GUCA1B: variants seen among roughly 807,000 people sequenced by gnomAD.
The protein encoded by GUCA1B is guanylyl cyclase-activating protein 2.
A neutral mutation model predicts 24.2 loss-of-function variants in GUCA1B; 22 were observed. That is an observed-to-expected ratio of 0.91 (90% CI 0.65 to 1.30). The LOEUF is 1.30. GUCA1B is among the 50% of genes most tolerant of loss of function. The pLI, the probability that GUCA1B is intolerant of heterozygous loss-of-function variation, is 0.00. For missense variants in GUCA1B, 221 were observed against 258.8 expected, an observed-to-expected ratio of 0.85 and a Z score of 1.00; for synonymous variants, 100 against 97.9, an observed-to-expected ratio of 1.02 and a Z score of -0.13.
rs758011257 is a variant in GUCA1B at position 42,188,596 on chromosome 6, G to A, written c.343C>T (p.Leu115Phe). The change falls in exon 2 of 4, where the codon CTC becomes TTC. Residue 115 changes from leucine (L) to phenylalanine (F), a missense_variant. By Grantham distance (22) the Leu-to-Phe change is conservative. Transcript: ENST00000230361. ...GAGACACTAACCTCCACAATGTTGA[G>A]TAGCTCCAGGCGGTCGATGCAGCCA... ...GNGCIDRLELLNIVEGIYQLK... is the reference protein window; with the variant it reads ...GNGCIDRLELFNIVEGIYQLK... The A allele has an allele frequency of 2.5e-6, 4 of 1,614,114 alleles. No individual in the cohort carries two copies. Among genetic ancestry groups the A allele is most frequent in the East Asian group, 2.2e-5 (1 of 44,876 alleles).
chr6:42,188,545 G>A, intron 2 of GUCA1B, 37 bp downstream of exon 2: 2 of 1,607,968 alleles, frequency 1.2e-6, no homozygotes, highest in Non-Finnish European at 1.7e-6. Flanking sequence ...CAGTGCTCTA[G>A]TGCCCAGGCT....
rs116449153 is a variant in GUCA1B, at chr6:42,194,490, C to T, written c.207+124G>A. The stretch of plus-strand genomic sequence containing the variant: ...GTGAGACAGAAAAGGTAAAGAGAGA[C>T]GGAGTGGAAAGAAGAGCAGAGAAAG... On this transcript the variant is annotated intron_variant, in intron 1 of 3. Coordinates refer to ENST00000230361, the MANE Select transcript of GUCA1B (RefSeq NM_002098.6). 1.3e-3 allele frequency: 931 copies of T among 733,220 alleles called. 8 individuals carry two copies. The African/African-American group carries it at 0.014, about 11-fold the overall frequency. 45.4% of individuals were successfully genotyped at this position (733,220 alleles called of 1,614,324 possible).
intron 1 of GUCA1B, among the ~76,000 whole-genome samples, chr6:42,193,000 T>C (rs1461120957): frequency 6.6e-6 from 1 of 152,162 alleles, no homozygotes; most frequent in African/African-American, 2.4e-5. Context: ...TATATACTTA[T>C]AGGATACATT....
chr6:42,188,608 G>A lies in GUCA1B; in HGVS notation c.331C>T (p.Arg111Cys), dbSNP rs552920546. 19 of 1,614,084 alleles carry A rather than the reference G, an allele frequency of 1.2e-5. No homozygotes were observed. The East Asian group carries it at 1.6e-4, about 13-fold the overall frequency. The change falls in exon 2 of 4, where the codon CGC becomes TGC. Residue 111 changes from arginine (R) to cysteine (C), a missense_variant. Physicochemically the swap from Arg to Cys is radical, Grantham distance 180. Transcript: ENST00000230361. ...TCCACAATGTTGAGTAGCTCCAGGCGGTCGATGCAGCCATTGCCATCCTTA... is the reference window on the plus strand; with the variant it reads ...TCCACAATGTTGAGTAGCTCCAGGCAGTCGATGCAGCCATTGCCATCCTTA... ...YDKDGNGCID[R>C]LELLNIVEGI...
chr6:42,189,074 C>T (rs116505286), intron 1 of GUCA1B, among the ~76,000 whole-genome samples: 1,674 of 152,218 alleles, frequency 0.011, 36 homozygotes, highest in African/African-American at 0.038. Context: ...TAAGCCACCA[C>T]ACCCAGCCTA....
In GUCA1B at chr6:42,184,759, T is replaced by G; in HGVS notation, c.*56A>C. ...CATGAGCAGGCTGAGCCAGGGACCC[T>G]CCTACTACCCTGGAAACCTGGGTGA... is the stretch of plus-strand genomic sequence containing the variant. On this transcript the variant is annotated 3_prime_UTR_variant, in exon 4 of 4. Transcript: ENST00000230361. 1 of 1,569,020 alleles carries G rather than the reference T, an allele frequency of 6.4e-7. No individual in the cohort carries two copies. Among genetic ancestry groups the G allele is most frequent in the South Asian group, 1.1e-5 (1 of 90,190 alleles).
chr6:42,193,941 T>C (rs1209769526), intron 1 of GUCA1B, among the ~76,000 whole-genome samples: 1 of 152,196 alleles, frequency 6.6e-6, no homozygotes, highest in Admixed American at 6.5e-5. Flanking sequence ...TGAATTGAAA[T>C]TTAAAATTCA....
intron 2 of GUCA1B, among the ~76,000 whole-genome samples, chr6:42,187,934 ACTC>A (rs1768224790): frequency 6.7e-6 from 1 of 150,344 alleles, no homozygotes; most frequent in Admixed American, 6.6e-5. Flanking sequence ...GCAGCCTTCA[ACTC>A]CTGGCTCAAA....
At chr6:42,188,913 ATC>A (rs969454433) in intron 1 of GUCA1B, among the ~76,000 whole-genome samples, 182 bp from the exon 2 acceptor site, 48 of 134,598 alleles carry the variant, frequency 3.6e-4, no homozygotes, top group South Asian at 4.4e-4. Context: ...TATCTATATC[ATC>A]TCTCTCTCTC....
chr6:42,188,316 G>A (rs903810259), intron 2 of GUCA1B, among the ~76,000 whole-genome samples: 2 of 151,762 alleles, frequency 1.3e-5, no homozygotes, highest in Non-Finnish European at 2.9e-5. Context: ...GTGTGTGTGT[G>A]TGTGTGTGTG....
chr6:42,193,636 C>A, intron 1 of GUCA1B, among the ~76,000 whole-genome samples: 1 of 152,192 alleles, frequency 6.6e-6, no homozygotes, highest in Non-Finnish European at 1.5e-5. Flanking sequence ...TGGGGTTCAT[C>A]TCTAAGGAGG....
chr6:42,190,361 A>ATTTTTTTTTTTT (rs143865611), intron 1 of GUCA1B, among the ~76,000 whole-genome samples: 2 of 123,034 alleles, frequency 1.6e-5, no homozygotes, highest in African/African-American at 6.5e-5. Flanking sequence ...GTCAACTTCC[A>ATTTTTTTTTTTT]TTTTTTTTTT....
intron 1 of GUCA1B, among the ~76,000 whole-genome samples, chr6:42,192,268 C>T (rs1202949041): frequency 3.0e-4 from 39 of 131,690 alleles, no homozygotes; most frequent in Non-Finnish European, 5.7e-4. Context: ...GCAGGAGAAT[C>T]GCTTGAACCT....
At chr6:42,190,361 ATTTTTT>A (rs143865611) in intron 1 of GUCA1B, among the ~76,000 whole-genome samples, 4 of 123,034 alleles carry the variant, frequency 3.3e-5, no homozygotes, top group African/African-American at 1.3e-4. Context: ...GTCAACTTCC[ATTTTTT>A]TTTTTTTTTT....
rs767624382 is a variant in GUCA1B, at chr6:42,194,836, C to T, written c.-16G>A. ...CCTGCCCCATGCTAGCCCTGAGGAGCATCAGGGAGCAAGGGTCTGTATCTC... is the reference window on the plus strand; with the variant it reads ...CCTGCCCCATGCTAGCCCTGAGGAGTATCAGGGAGCAAGGGTCTGTATCTC... On this transcript the variant is annotated 5_prime_UTR_variant, in exon 1 of 4. The change abolishes an upstream ATG in the 5' untranslated region. Transcript: ENST00000230361. The T allele has an allele frequency of 2.6e-6, 4 of 1,541,720 alleles. No individual in the cohort carries two copies. Among genetic ancestry groups the T allele is most frequent in the South Asian group, 2.4e-5 (2 of 84,252 alleles).
intron 1 of GUCA1B, among the ~76,000 whole-genome samples, chr6:42,192,659 C>G (rs1275192770): frequency 6.6e-6 from 1 of 152,078 alleles, no homozygotes; most frequent in Non-Finnish European, 1.5e-5. Flanking sequence ...TTGCAGTGAG[C>G]TGAGATTGTG....
In GUCA1B at chr6:42,185,699, C is replaced by G; in HGVS notation, c.456G>C (p.Leu152=). Residue 152 remains leucine, a synonymous_variant, in exon 3 of 4, where the codon CTG becomes CTC. Transcript: ENST00000230361. Reference sequence around the variant, plus strand: ...TCTTACCATCTCCATTCTCATCCACCAGGAGGAAGATCCTGTCCACGACCT... The same window carrying G: ...TCTTACCATCTCCATTCTCATCCACGAGGAGGAAGATCCTGTCCACGACCT... ...PEEVVDRIFL[L]VDENGDGQLS... is the part of the protein sequence containing the mutation. The G allele has an allele frequency of 1.3e-6, 2 of 1,599,062 alleles. No homozygotes were observed. The highest frequency in any genetic ancestry group is 2.7e-5 in the African/African-American group (2 of 74,720).
intron 2 of GUCA1B, among the ~76,000 whole-genome samples, chr6:42,188,373 C>T (rs1013299895): frequency 1.3e-5 from 2 of 151,536 alleles, no homozygotes; most frequent in Admixed American, 6.6e-5. Flanking sequence ...AATTTCCAAA[C>T]AGATGGGGAT....
Position 42,188,698 on chromosome 6 carries a change from C to T in GUCA1B, c.241G>A (p.Ala81Thr), listed in dbSNP as rs979878003. ...NTIDFLEYVA[A>T]LNLVLRGTLE... is the part of the protein sequence containing the mutation. ...GTGCCCCTCAGCACGAGATTCAGAG[C>T]TGCCACGTACTCCAGGAAGTCGATG... Residue 81 changes from alanine to threonine, a missense_variant, in exon 2 of 4, where the codon GCT becomes ACT. Transcript: ENST00000230361. The T allele has an allele frequency of 6.2e-7, 1 of 1,614,100 alleles. No homozygotes were observed. Among genetic ancestry groups the T allele is most frequent in the East Asian group, 2.2e-5 (1 of 44,868 alleles).
Sources: gnomAD v4.1 joint callset for allele counts (sites outside exome capture counted in the v4.1 genomes callset) on GRCh38, gnomAD v4.1.1 for gene constraint, MANE v1.5 for transcripts, NCBI Gene and HGNC (gene_info 2026-07-23, HGNC 2026-07-21) for gene names.